PRMT3: variants seen among roughly 807,000 people sequenced by gnomAD.
PRMT3 encodes the protein protein arginine methyltransferase 3, also known as protein arginine N-methyltransferase 3.
In PRMT3, 62 loss-of-function variants were observed where a neutral mutation model predicts 71.9. The ratio of observed to expected loss-of-function variants is 0.86; its 90% confidence interval spans 0.70 to 1.07. The LOEUF is 1.07. Ranked by LOEUF, PRMT3 falls within the 50% of genes least tolerant of loss-of-function variation. The probability of loss-of-function intolerance (pLI) is 0.00; values close to 1 mark genes in which losing one functional copy is unlikely to be tolerated. For synonymous variants in PRMT3, 213 were observed against 220.4 expected, an observed-to-expected ratio of 0.97 and a Z score of 0.30; for missense variants, 663 against 643.0, an observed-to-expected ratio of 1.03 and a Z score of -0.34.
intron 10 of PRMT3, among the ~76,000 whole-genome samples, chr11:20,444,725 T>C (rs994198083): frequency 1.1e-4 from 16 of 152,154 alleles, no homozygotes; most frequent in African/African-American, 3.1e-4. Context: ...ACCTACTCTG[T>C]TATTGTTGGA....
At chr11:20,469,292 TTG>T (rs1431689863) in intron 13 of PRMT3, among the ~76,000 whole-genome samples, 3 of 152,348 alleles carry the variant, frequency 2.0e-5, no homozygotes, top group Non-Finnish European at 2.9e-5. Flanking sequence ...ATGTTTTATC[TTG>T]TGAGTTCTCG....
At chr11:20,426,925 AT>A in intron 10 of PRMT3, 60 bp downstream of exon 10, 1 of 1,457,132 alleles carries the variant, frequency 6.9e-7, no homozygotes, top group Non-Finnish European at 9.0e-7. Flanking sequence ...TTTTAAAGTA[AT>A]AGTTTTCATG....
At chr11:20,397,490 C>A in intron 6 of PRMT3, 87 bp from the exon 7 acceptor site, 1 of 1,355,308 alleles carries the variant, frequency 7.4e-7, no homozygotes, top group East Asian at 2.3e-5. Context: ...TGTACTCCCT[C>A]CCCTTTCCTC....
At chr11:20,492,156 A>G (rs2133450927) in intron 13 of PRMT3, among the ~76,000 whole-genome samples, 1 of 152,322 alleles carries the variant, frequency 6.6e-6, no homozygotes, top group South Asian at 2.1e-4. Context: ...AACATAACAG[A>G]ATGTATAATA....
In PRMT3 at chr11:20,393,369, C is replaced by T. The variant is rs143179478; in HGVS notation, c.400+370C>T. 2.1e-3 allele frequency among the ~76,000 whole-genome samples: 318 copies of T among 152,254 alleles called. 2 individuals carry two copies. The highest frequency in any genetic ancestry group is 7.5e-3 in the African/African-American group (313 of 41,548). ...GGTTGAGGCAGGAGAATCACTTGAACCTGGTATACAGGTGACAGAGCAAGA... is the reference window on the plus strand; with the variant it reads ...GGTTGAGGCAGGAGAATCACTTGAATCTGGTATACAGGTGACAGAGCAAGA... On this transcript the variant is annotated intron_variant, in intron 5 of 15. Coordinates refer to ENST00000331079, the MANE Select transcript of PRMT3 (RefSeq NM_005788.4).
At chr11:20,400,756 A>G (rs1405052308) in intron 7 of PRMT3, among the ~76,000 whole-genome samples, 1 of 151,928 alleles carries the variant, frequency 6.6e-6, no homozygotes, top group Non-Finnish European at 1.5e-5. Context: ...TAATTTCTTG[A>G]TACTTTACTA....
At chr11:20,495,203 A>G (rs987421907) in intron 15 of PRMT3, among the ~76,000 whole-genome samples, 1 of 152,014 alleles carries the variant, frequency 6.6e-6, no homozygotes, top group Non-Finnish European at 1.5e-5. Flanking sequence ...TTTAGTAGAG[A>G]TGGGGTTTCA....
intron 13 of PRMT3, among the ~76,000 whole-genome samples, chr11:20,492,455 G>C (rs1410977028): frequency 1.3e-5 from 2 of 151,914 alleles, no homozygotes; most frequent in Non-Finnish European, 2.9e-5. Flanking sequence ...ATTCTCTCTT[G>C]GTATCTAAAT....
intron 15 of PRMT3, among the ~76,000 whole-genome samples, chr11:20,497,422 A>G (rs1399684337): frequency 6.6e-6 from 1 of 152,208 alleles, no homozygotes; most frequent in Non-Finnish European, 1.5e-5. Flanking sequence ...ATCCCCTAAG[A>G]GAGTACAAGC....
chr11:20,435,772 C>T (rs1220444563), intron 10 of PRMT3, among the ~76,000 whole-genome samples: 1 of 152,148 alleles, frequency 6.6e-6, no homozygotes, highest in Non-Finnish European at 1.5e-5. Flanking sequence ...TGTGATGCCT[C>T]CAGCTTTGCC....
chr11:20,417,539 G>A (rs550480599), intron 9 of PRMT3, among the ~76,000 whole-genome samples: 3 of 152,016 alleles, frequency 2.0e-5, no homozygotes, highest in South Asian at 4.2e-4. Context: ...AACATAGACC[G>A]TATCTTTTAC....
chr11:20,393,071 T>G (rs1215572437), intron 5 of PRMT3, 72 bp downstream of exon 5: 2 of 936,586 alleles, frequency 2.1e-6, no homozygotes, highest in East Asian at 5.0e-5. Context: ...GGAGGTAGAG[T>G]GTTTTAGGAA....
intron 13 of PRMT3, among the ~76,000 whole-genome samples, chr11:20,467,456 A>G (rs893426720): frequency 6.6e-6 from 1 of 151,214 alleles, no homozygotes; most frequent in Non-Finnish European, 1.5e-5. Flanking sequence ...GGGATTGTAG[A>G]AACTATTAAA....
chr11:20,398,947 G>T (rs965603667), intron 7 of PRMT3, among the ~76,000 whole-genome samples: 2 of 152,104 alleles, frequency 1.3e-5, no homozygotes, highest in African/African-American at 4.8e-5. Context: ...TTTTATAACG[G>T]TAATATCCAT....
At chr11:20,435,238 G>A (rs1354975277) in intron 10 of PRMT3, among the ~76,000 whole-genome samples, 1 of 151,780 alleles carries the variant, frequency 6.6e-6, no homozygotes, top group Admixed American at 6.6e-5. Context: ...TTTATTTTCT[G>A]TCGCCCAGGC....
intron 4 of PRMT3, 49 bp downstream of exon 4, chr11:20,392,309 C>T: frequency 1.3e-6 from 2 of 1,508,516 alleles, no homozygotes; most frequent in South Asian, 2.4e-5. Context: ...CAAAGAAATG[C>T]TACAGTGACT....
intron 9 of PRMT3, among the ~76,000 whole-genome samples, chr11:20,426,263 G>A (rs1018049311): frequency 1.3e-5 from 2 of 152,118 alleles, no homozygotes; most frequent in African/African-American, 2.4e-5. Flanking sequence ...AATAGGGTCG[G>A]TATTATTCTC....
At chr11:20,422,061 A>G (rs1015486367) in intron 9 of PRMT3, among the ~76,000 whole-genome samples, 11 of 152,166 alleles carry the variant, frequency 7.2e-5, no homozygotes, top group African/African-American at 1.2e-4. Context: ...CTGCAATCCT[A>G]CTTTTACTCA....
intron 13 of PRMT3, among the ~76,000 whole-genome samples, chr11:20,490,914 C>A (rs193072500): frequency 6.6e-6 from 1 of 152,070 alleles, no homozygotes; most frequent in Non-Finnish European, 1.5e-5. Flanking sequence ...CTTGAAAATG[C>A]CTTCATTCAT....
Sources: gnomAD v4.1 joint callset for allele counts (sites outside exome capture counted in the v4.1 genomes callset) on GRCh38, gnomAD v4.1.1 for gene constraint, MANE v1.5 for transcripts, NCBI Gene and HGNC (gene_info 2026-07-23, HGNC 2026-07-21) for gene names.